The following PDE10A variants were observed in gnomAD, a reference collection of about 807,000 sequenced individuals.
The protein encoded by PDE10A is cAMP and cAMP-inhibited cGMP 3',5'-cyclic phosphodiesterase 10A.
A neutral mutation model predicts 97.7 loss-of-function variants in PDE10A; 39 were observed. The ratio of observed to expected loss-of-function variants is 0.40; its 90% CI spans 0.31 to 0.52. PDE10A has a LOEUF of 0.52. PDE10A is among the 20% of genes least tolerant of loss of function. PDE10A has a pLI of 0.56. For synonymous variants in PDE10A, 371 were observed against 376.8 expected, an observed-to-expected ratio of 0.98 and a Z score of 0.18; for missense variants, 731 against 1,047.8, an observed-to-expected ratio of 0.70 and a Z score of 4.17.
At chr6:165,680,143 G>A (rs1358289474) in intron 1 of PDE10A, among the ~76,000 whole-genome samples, 3 of 152,072 alleles carry the variant, frequency 2.0e-5, no homozygotes, top group South Asian at 2.1e-4. Flanking sequence ...GCCATGGATC[G>A]TGAGCTCTCG....
intron 1 of PDE10A, among the ~76,000 whole-genome samples, chr6:165,794,190 G>C (rs1418934146): frequency 7.4e-6 from 1 of 134,746 alleles, no homozygotes; most frequent in Non-Finnish European, 1.6e-5. Flanking sequence ...CCACACTCAC[G>C]CACTCACGCT....
intron 18 of PDE10A, among the ~76,000 whole-genome samples, chr6:165,367,421 C>T (rs1251784231): frequency 1.3e-5 from 2 of 151,918 alleles, no homozygotes; most frequent in African/African-American, 2.4e-5. Context: ...ACCTGTAACA[C>T]AGTATAAAGG....
chr6:165,596,836 G>C (rs538788609), intron 1 of PDE10A, among the ~76,000 whole-genome samples: 8 of 152,244 alleles, frequency 5.3e-5, no homozygotes, highest in Non-Finnish European at 8.8e-5. Flanking sequence ...GAATATCCTA[G>C]GAGAACGTTG....
At chr6:165,509,716 CA>C (rs1215077729) in intron 2 of PDE10A, among the ~76,000 whole-genome samples, 3 of 151,598 alleles carry the variant, frequency 2.0e-5, no homozygotes, top group African/African-American at 7.3e-5. Context: ...AATATCTTTC[CA>C]TTTGTTTGTA....
chr6:165,754,196 C>T (rs1202412386), intron 1 of PDE10A: 3 of 152,326 alleles, frequency 2.0e-5, no homozygotes, highest in African/African-American at 4.8e-5. Flanking sequence ...ACCTGTCTTT[C>T]CTTCTACTGC....
intron 1 of PDE10A, among the ~76,000 whole-genome samples, chr6:165,672,805 C>T (rs1466430254): frequency 4.6e-5 from 7 of 152,178 alleles, no homozygotes; most frequent in African/African-American, 1.4e-4. Flanking sequence ...TTATCAACAT[C>T]GTGAAAACGG....
At chr6:165,620,652 G>C (rs1788081948) in intron 1 of PDE10A, among the ~76,000 whole-genome samples, 1 of 152,188 alleles carries the variant, frequency 6.6e-6, no homozygotes, top group South Asian at 2.1e-4. Flanking sequence ...CTGGTGGCAA[G>C]GATCATGGAA....
At chr6:165,858,721 A>G (rs1780817936) in intron 1 of PDE10A, among the ~76,000 whole-genome samples, 1 of 152,196 alleles carries the variant, frequency 6.6e-6, no homozygotes, top group African/African-American at 2.4e-5. Flanking sequence ...CATCCAATTC[A>G]GCATTGACTC....
intron 1 of PDE10A, among the ~76,000 whole-genome samples, chr6:165,626,639 A>G (rs1788400398): frequency 6.6e-6 from 1 of 152,222 alleles, no homozygotes; most frequent in Non-Finnish European, 1.5e-5. Context: ...GTTAGGAAAG[A>G]AGACTTTCTT....
intron 19 of PDE10A, 27 bp from the exon 20 acceptor site, chr6:165,339,385 C>T (rs1781841823): frequency 7.4e-7 from 1 of 1,351,186 alleles, no homozygotes; most frequent in Non-Finnish European, 1.1e-6. Flanking sequence ...GAAAATCATG[C>T]TTTCTCAAAT....
intron 1 of PDE10A, among the ~76,000 whole-genome samples, chr6:165,754,768 T>C (rs924432245): frequency 6.6e-6 from 1 of 152,158 alleles, no homozygotes; most frequent in African/African-American, 2.4e-5. Flanking sequence ...ATAGTAATAG[T>C]CCCTTATTGA....
At chr6:165,983,236 T>C (rs1008761141) in intron 1 of PDE10A, among the ~76,000 whole-genome samples, 9 of 152,140 alleles carry the variant, frequency 5.9e-5, no homozygotes, top group African/African-American at 1.9e-4. Context: ...ACCATCTGAG[T>C]GTGTACACAA....
chr6:165,749,472 C>T (rs557104835), intron 1 of PDE10A, among the ~76,000 whole-genome samples: 35 of 145,218 alleles, frequency 2.4e-4, no homozygotes, highest in African/African-American at 8.1e-4. Flanking sequence ...ATCAACAACA[C>T]CATCAACACC....
chr6:165,608,074 G>GCATATATATACATGTA (rs1394356516), intron 1 of PDE10A, among the ~76,000 whole-genome samples: 1 of 136,266 alleles, frequency 7.3e-6, no homozygotes, highest in African/African-American at 3.4e-5. Context: ...ATATATATAT[G>GCATATATATACATGTA]TATATATGTA....
intron 1 of PDE10A, among the ~76,000 whole-genome samples, chr6:165,642,681 C>T (rs1789192991): frequency 1.3e-5 from 2 of 152,308 alleles, no homozygotes; most frequent in Admixed American, 6.5e-5. Context: ...TTGGCTGTAC[C>T]AGTCCGGCCT....
At chr6:165,600,084 C>T (rs926440507) in intron 1 of PDE10A, among the ~76,000 whole-genome samples, 14 of 152,290 alleles carry the variant, frequency 9.2e-5, no homozygotes. Flanking sequence ...GCACCTCACA[C>T]ACCCCTCCCC....
intron 3 of PDE10A, among the ~76,000 whole-genome samples, chr6:165,472,030 G>A (rs1181933615): frequency 6.6e-6 from 1 of 151,984 alleles, no homozygotes; most frequent in Non-Finnish European, 1.5e-5. Context: ...TAAATAACTT[G>A]AGATGAGTTA....
intron 16 of PDE10A, among the ~76,000 whole-genome samples, chr6:165,392,352 T>C (rs911464996): frequency 1.3e-5 from 2 of 152,208 alleles, no homozygotes; most frequent in Non-Finnish European, 2.9e-5. Flanking sequence ...TAAAATTCAC[T>C]GTTTATATCC....
At position 165,450,304 on chromosome 6, in the gene PDE10A, C is replaced by CGTT; in HGVS notation, c.1079_1081dup (p.Gln360dup). Reference sequence around the variant, plus strand: ...CTGGTTGTCTCCTCCTGTGTCCAACCGTTGTTCTATATAGCTGTTTAGTTC... The same window carrying CGTT: ...CTGGTTGTCTCCTCCTGTGTCCAACCGTTGTTGTTCTATATAGCTGTTTAGTTC... On this transcript the variant is annotated inframe_insertion, in exon 4 of 22. Transcript: ENST00000539869. 6.2e-7 allele frequency: 1 copy of CGTT among 1,600,240 alleles called. No homozygotes were observed. The highest frequency in any genetic ancestry group is 8.6e-7 in the Non-Finnish European group (1 of 1,168,504).
Sources: allele counts gnomAD v4.1 joint callset (sites outside exome capture counted in the v4.1 genomes callset), GRCh38; gene constraint gnomAD v4.1.1; transcripts MANE v1.5; gene names NCBI Gene and HGNC (gene_info 2026-07-23, HGNC 2026-07-21).